Variants in CCDC32 observed in about 807,000 individuals in gnomAD.
CCDC32 encodes coiled-coil domain containing 32, also known as coiled-coil domain-containing protein 32.
CCDC32 carries 9 observed loss-of-function variants against 20.1 expected under a neutral mutation model. That is an observed-to-expected ratio of 0.45 (90% CI 0.27 to 0.78). CCDC32 has a LOEUF of 0.78. Among genes scored for constraint, CCDC32 ranks in the 30% least tolerant of loss-of-function variants. The probability of loss-of-function intolerance (pLI) is 0.16; values close to 1 mark genes in which losing one functional copy is unlikely to be tolerated. For synonymous variants in CCDC32, 63 were observed against 79.0 expected, an observed-to-expected ratio of 0.80 and a Z score of 1.07; for missense variants, 204 against 215.5, an observed-to-expected ratio of 0.95 and a Z score of 0.33.
chr15:40,561,204 G>A (rs1315344420), intron 2 of CCDC32, among the ~76,000 whole-genome samples: 1 of 152,170 alleles, frequency 6.6e-6, no homozygotes, highest in Non-Finnish European at 1.5e-5. Context: ...GCCGGGCACG[G>A]TGGCTCACAC....
chr15:40,539,033 C>T, downstream of CCDC32: 1 of 578,952 alleles, frequency 1.7e-6, no homozygotes, highest in Non-Finnish European at 3.1e-6. Flanking sequence ...GACTAAAGCC[C>T]TGTCTCTCTC....
chr15:40,563,072 A>G (rs1566986817), intron 1 of CCDC32, 45 bp from the exon 2 acceptor site: 1 of 1,590,234 alleles, frequency 6.3e-7, no homozygotes. Flanking sequence ...CTTTAAGAAT[A>G]CAGCATAAGG....
At chr15:40,549,065 G>A (rs771185391), downstream of CCDC32, among the ~76,000 whole-genome samples, 2 of 152,116 alleles carry the variant, frequency 1.3e-5, no homozygotes, top group Non-Finnish European at 2.9e-5. Context: ...GACATGTATC[G>A]CTGCCAAGTG....
intron 3 of CCDC32, among the ~76,000 whole-genome samples, chr15:40,546,749 T>C (rs1889637415): frequency 6.6e-6 from 1 of 151,168 alleles, no homozygotes; most frequent in Non-Finnish European, 1.5e-5. Context: ...TTGCCCAGGC[T>C]GGAGTGTAGT....
At chr15:40,552,770 T>TAA (rs1889947616), downstream of CCDC32, 1 of 3,098 alleles carries the variant, frequency 3.2e-4, no homozygotes, top group Non-Finnish European at 1.8e-3. Context: ...AAGTGCGACC[T>TAA]CAAAAAAAAA....
At chr15:40,540,337 C>T (rs371103806) in intron 3 of CCDC32, among the ~76,000 whole-genome samples, 18 of 151,014 alleles carry the variant, frequency 1.2e-4, no homozygotes, top group African/African-American at 3.2e-4. Flanking sequence ...AATTCTTTGT[C>T]GTTCTTCTTA....
At chr15:40,548,673 G>A (rs1889719029), downstream of CCDC32, among the ~76,000 whole-genome samples, 2 of 151,960 alleles carry the variant, frequency 1.3e-5, no homozygotes, top group Admixed American at 6.6e-5. Context: ...GGACTCCCTG[G>A]GCTTCTCTAC....
downstream of CCDC32, among the ~76,000 whole-genome samples, chr15:40,524,030 A>G (rs1436239799): frequency 6.6e-6 from 1 of 152,242 alleles, no homozygotes; most frequent in Non-Finnish European, 1.5e-5. Flanking sequence ...AAAACTGGAC[A>G]CAAATATCAG....
chr15:40,548,270 G>A (rs1889703381), downstream of CCDC32, among the ~76,000 whole-genome samples: 1 of 152,166 alleles, frequency 6.6e-6, no homozygotes, highest in Admixed American at 6.5e-5. Context: ...AAGTCCTCAA[G>A]TACTATCATC....
downstream of CCDC32, chr15:40,532,435 C>T: frequency 1.7e-6 from 1 of 598,070 alleles, no homozygotes. Flanking sequence ...AGACACTTAT[C>T]AGGTAGTATG....
At chr15:40,557,072 A>C in intron 3 of CCDC32, 144 bp downstream of exon 3, 2 of 864,946 alleles carry the variant, frequency 2.3e-6, no homozygotes, top group South Asian at 3.8e-5. Flanking sequence ...CCTTAACTCT[A>C]TTCAATCTGT....
chr15:40,557,053 A>C, intron 3 of CCDC32, 163 bp downstream of exon 3: 2 of 683,622 alleles, frequency 2.9e-6, no homozygotes, highest in Non-Finnish European at 4.6e-6. Flanking sequence ...AATGAACACA[A>C]TGCTTTATCC....
chr15:40,555,955 C>A (rs1029557207), intron 3 of CCDC32, among the ~76,000 whole-genome samples: 6 of 152,218 alleles, frequency 3.9e-5, no homozygotes, highest in African/African-American at 1.4e-4. Flanking sequence ...TAACAGCCAA[C>A]ACTTCTATAG....
rs926383966 is a variant in CCDC32 at position 40,554,242 on chromosome 15, A to G, written c.402-115T>C. 6 of 1,416,290 alleles carry G rather than the reference A, an allele frequency of 4.2e-6. No individual in the cohort carries two copies. The Admixed American group carries it at 9.4e-5, about 22-fold the overall frequency. The allele number at this position is 1,416,290 out of a possible 1,614,324, so 87.7% of individuals were successfully genotyped here. ...CCGCCCACCAGCAATTTCTTCCTAC[A>G]ATTGTTTTTCACTGCTAAACTGGGA... On this transcript the variant is annotated intron_variant, in intron 3 of 3. Transcript: ENST00000416810.
downstream of CCDC32, among the ~76,000 whole-genome samples, chr15:40,533,537 A>C (rs4924480): frequency 0.47 from 70,632 of 151,442 alleles, 19,077 homozygotes; most frequent in East Asian, 0.75. Flanking sequence ...GTAGAGACGG[A>C]GTTTCACCAT....
At chr15:40,530,930 G>A (rs1313933770), downstream of CCDC32, among the ~76,000 whole-genome samples, 1 of 151,474 alleles carries the variant, frequency 6.6e-6, no homozygotes, top group Non-Finnish European at 1.5e-5. Flanking sequence ...GGCTGGTCTT[G>A]AACTCCTGAG....
downstream of CCDC32, among the ~76,000 whole-genome samples, chr15:40,552,304 C>A (rs1445446312): frequency 6.6e-6 from 1 of 151,440 alleles, no homozygotes; most frequent in Non-Finnish European, 1.5e-5. Context: ...CATGGAGAAA[C>A]CCCAAATCTA....
chr15:40,532,425 A>G (rs1439705816), downstream of CCDC32: 4 of 639,078 alleles, frequency 6.3e-6, no homozygotes, highest in Non-Finnish European at 1.1e-5. Flanking sequence ...CCATGTAGCA[A>G]GACACTTATC....
At chr15:40,521,310 G>A in the CCDC32 span, among the ~76,000 whole-genome samples, 5 of 152,124 alleles carry the variant, frequency 3.3e-5, no homozygotes, top group Non-Finnish European at 7.4e-5. Context: ...TATACAACGC[G>A]TGTCTTTTGT....
Sources: allele counts gnomAD v4.1 joint callset (sites outside exome capture counted in the v4.1 genomes callset), GRCh38; gene constraint gnomAD v4.1.1; transcripts MANE v1.5; gene names NCBI Gene and HGNC (gene_info 2026-07-23, HGNC 2026-07-21).